Variants in PTPRN2 observed in about 807,000 individuals in gnomAD.
The protein encoded by PTPRN2 is receptor-type tyrosine-protein phosphatase N2.
In PTPRN2, 74 loss-of-function variants were observed where a neutral mutation model predicts 118.8. The ratio of observed to expected loss-of-function variants is 0.62; its 90% confidence interval spans 0.52 to 0.76. The LOEUF (loss-of-function observed/expected upper bound fraction) is 0.76, where lower values mean the gene tolerates loss of function less well. Among genes scored for constraint, PTPRN2 ranks in the 30% least tolerant of loss-of-function variants. The probability of loss-of-function intolerance (pLI) is 0.00; values close to 1 mark genes in which losing one functional copy is unlikely to be tolerated. For missense variants in PTPRN2, 1,481 were observed against 1,394.4 expected, an observed-to-expected ratio of 1.06 and a Z score of -0.99; for synonymous variants, 641 against 608.0, an observed-to-expected ratio of 1.05 and a Z score of -0.80.
intron 11 of PTPRN2, among the ~76,000 whole-genome samples, chr7:158,004,975 A>G (rs889462113): frequency 6.6e-6 from 1 of 152,154 alleles, no homozygotes; most frequent in African/African-American, 2.4e-5. Flanking sequence ...AGCGGGAGAA[A>G]CACACACCTC....
At chr7:158,213,632 T>G (rs1439427504) in intron 3 of PTPRN2, among the ~76,000 whole-genome samples, 1 of 152,164 alleles carries the variant, frequency 6.6e-6, no homozygotes, top group Non-Finnish European at 1.5e-5. Flanking sequence ...CAAAGCAACT[T>G]AAAAACACCC....
chr7:158,490,419 C>T (rs1008750977), intron 1 of PTPRN2, among the ~76,000 whole-genome samples: 2 of 152,234 alleles, frequency 1.3e-5, no homozygotes, highest in Non-Finnish European at 2.9e-5. Flanking sequence ...AGTCCCCACC[C>T]AGGAAGGGGC....
intron 2 of PTPRN2, among the ~76,000 whole-genome samples, chr7:158,478,081 C>CAT (rs1820392140): frequency 6.6e-6 from 1 of 152,228 alleles, no homozygotes; most frequent in African/African-American, 2.4e-5. Context: ...GTAGGCAGGC[C>CAT]ATGCTGCAGA....
At chr7:157,778,197 A>G (rs1017602243) in intron 12 of PTPRN2, among the ~76,000 whole-genome samples, 2 of 152,188 alleles carry the variant, frequency 1.3e-5, no homozygotes, top group African/African-American at 2.4e-5. Context: ...TCAAAAGCCA[A>G]CGCTCCGCCT....
intron 12 of PTPRN2, among the ~76,000 whole-genome samples, chr7:157,697,554 A>G (rs77770366): frequency 8.0e-4 from 95 of 118,902 alleles, no homozygotes; most frequent in Middle Eastern, 0.011. Context: ...AGCCCTCACC[A>G]TCTACCCATG....
chr7:157,761,189 A>T (rs1319536556), intron 12 of PTPRN2, among the ~76,000 whole-genome samples: 3 of 151,976 alleles, frequency 2.0e-5, no homozygotes, highest in Non-Finnish European at 4.4e-5. Flanking sequence ...TAATTTATAG[A>T]TTCAATGCCA....
chr7:158,390,711 T>A (rs953483084), intron 2 of PTPRN2, among the ~76,000 whole-genome samples: 5 of 152,162 alleles, frequency 3.3e-5, no homozygotes, highest in South Asian at 2.1e-4. Flanking sequence ...GCCCCTCAGC[T>A]CTCAGCGCAC....
chr7:157,541,493 A>G (rs1446966305), intron 22 of PTPRN2, among the ~76,000 whole-genome samples: 1 of 152,252 alleles, frequency 6.6e-6, no homozygotes, highest in African/African-American at 2.4e-5. Flanking sequence ...TCGCTCCTCC[A>G]AAGACCAGGG....
At chr7:158,210,325 C>T (rs1585859630) in intron 3 of PTPRN2, among the ~76,000 whole-genome samples, 1 of 151,550 alleles carries the variant, frequency 6.6e-6, no homozygotes, top group Non-Finnish European at 1.5e-5. Flanking sequence ...TTAGTAGAGA[C>T]GGGGTTTCAC....
intron 6 of PTPRN2, among the ~76,000 whole-genome samples, chr7:158,141,521 G>C (rs1015489395): frequency 6.6e-6 from 1 of 152,258 alleles, no homozygotes; most frequent in Non-Finnish European, 1.5e-5. Flanking sequence ...CCGATGGCCT[G>C]TGGTGGGTTC....
rs141825120 is a variant in PTPRN2, at chr7:158,150,633, C to T, written c.911-12118G>A. ...CTTAAGATCTCGGTGTCATCTCCTGCCCCTCTAATTCCACCCTTGTGAACA... is the reference window on the plus strand; with the variant it reads ...CTTAAGATCTCGGTGTCATCTCCTGTCCCTCTAATTCCACCCTTGTGAACA... On this transcript the variant is annotated intron_variant, in intron 6 of 22. Coordinates refer to ENST00000389418, the MANE Select transcript of PTPRN2 (RefSeq NM_002847.5). Among the ~76,000 whole-genome samples, 29 of 152,238 alleles carry T rather than the reference C, an allele frequency of 1.9e-4. No homozygotes were observed. In the East Asian group the frequency reaches 5.0e-3, roughly 26 times the overall value.
intron 3 of PTPRN2, among the ~76,000 whole-genome samples, chr7:158,258,579 T>C (rs1228290119): frequency 6.6e-6 from 1 of 152,198 alleles, no homozygotes; most frequent in African/African-American, 2.4e-5. Flanking sequence ...ATACCACCTC[T>C]GTGGAAGGGT....
intron 5 of PTPRN2, among the ~76,000 whole-genome samples, chr7:158,188,757 G>A (rs1008949117): frequency 2.6e-5 from 4 of 151,346 alleles, no homozygotes; most frequent in Admixed American, 1.3e-4. Flanking sequence ...GGGGAAGGCC[G>A]CCACGCTCAC....
intron 11 of PTPRN2, among the ~76,000 whole-genome samples, chr7:157,949,237 T>C (rs1560951): frequency 0.52 from 79,471 of 152,130 alleles, 21,626 homozygotes; most frequent in East Asian, 0.66. Context: ...TGATGCATTT[T>C]GGGATGGTGA....
At chr7:158,397,448 A>G (rs1364564836) in intron 2 of PTPRN2, among the ~76,000 whole-genome samples, 1 of 152,174 alleles carries the variant, frequency 6.6e-6, no homozygotes, top group Non-Finnish European at 1.5e-5. Context: ...GCTGACATGA[A>G]GCAGGTCCTC....
intron 2 of PTPRN2, among the ~76,000 whole-genome samples, chr7:158,330,196 C>G (rs1313785154): frequency 8.3e-4 from 106 of 128,200 alleles, no homozygotes; most frequent in Non-Finnish European, 1.1e-3. Context: ...CACTCACACC[C>G]ACACTCTCAC....
chr7:158,322,957 G>A (rs1303756277), intron 2 of PTPRN2, among the ~76,000 whole-genome samples: 2 of 152,244 alleles, frequency 1.3e-5, no homozygotes, highest in African/African-American at 4.8e-5. Context: ...GACCTGGATA[G>A]ACTGGAGCCA....
intron 1 of PTPRN2, among the ~76,000 whole-genome samples, chr7:158,567,828 A>G (rs1219035708): frequency 6.6e-6 from 1 of 152,110 alleles, no homozygotes; most frequent in African/African-American, 2.4e-5. Flanking sequence ...ACCTCATCCC[A>G]CCCTTCCTTG....
chr7:158,264,164 C>T (rs1488303796), intron 3 of PTPRN2, among the ~76,000 whole-genome samples: 3 of 152,184 alleles, frequency 2.0e-5, no homozygotes, highest in Admixed American at 6.5e-5. Flanking sequence ...AACGAACAGC[C>T]GCAGCAGCGC....
Sources: gnomAD v4.1 joint callset for allele counts (sites outside exome capture counted in the v4.1 genomes callset) on GRCh38, gnomAD v4.1.1 for gene constraint, MANE v1.5 for transcripts, NCBI Gene and HGNC (gene_info 2026-07-23, HGNC 2026-07-21) for gene names.